The following ADD3 variants were observed in gnomAD, a reference collection of about 807,000 sequenced individuals.
ADD3 encodes the protein gamma-adducin.
ADD3 carries 25 observed loss-of-function variants against 80.2 expected under a neutral mutation model. The observed-to-expected ratio is 0.31, with a 90% CI of 0.23 to 0.44. ADD3 has a LOEUF of 0.44. Ranked by LOEUF, ADD3 falls within the 20% of genes least tolerant of loss-of-function variation. The pLI, the probability that ADD3 is intolerant of heterozygous loss-of-function variation, is 1.00. For missense variants in ADD3, 829 were observed against 847.5 expected, an observed-to-expected ratio of 0.98 and a Z score of 0.27; for synonymous variants, 284 against 289.6, an observed-to-expected ratio of 0.98 and a Z score of 0.20.
intron 1 of ADD3, among the ~76,000 whole-genome samples, chr10:110,053,991 A>G (rs957454930): frequency 6.6e-6 from 1 of 152,226 alleles, no homozygotes. Flanking sequence ...GTATGCCATA[A>G]TCATGCACAG....
At chr10:110,052,642 G>A (rs1857653782) in intron 1 of ADD3, among the ~76,000 whole-genome samples, 1 of 152,162 alleles carries the variant, frequency 6.6e-6, no homozygotes, top group Non-Finnish European at 1.5e-5. Context: ...AATGTTTAGG[G>A]TAAAACAGCT....
chr10:110,019,752 T>A (rs1346171364), intron 1 of ADD3, among the ~76,000 whole-genome samples: 1 of 152,228 alleles, frequency 6.6e-6, no homozygotes, highest in Non-Finnish European at 1.5e-5. Context: ...CTGAAGAAGC[T>A]GAATTCACCA....
chr10:110,105,716 G>A (rs961374035), intron 2 of ADD3, among the ~76,000 whole-genome samples: 1 of 152,166 alleles, frequency 6.6e-6, no homozygotes, highest in Non-Finnish European at 1.5e-5. Flanking sequence ...AGCTTATTTT[G>A]ATGCGAGGAG....
intron 1 of ADD3, among the ~76,000 whole-genome samples, chr10:110,062,200 TAAAAAAAAAAAAAA>T (rs57540485): frequency 0.02 from 710 of 35,224 alleles, 4 homozygotes; most frequent in African/African-American, 0.059. Flanking sequence ...CTGTCTCTAC[TAAAAAAAAAAAAAA>T]AAAAAAAAAA....
chr10:110,097,632 A>C (rs986803997), intron 1 of ADD3, among the ~76,000 whole-genome samples: 24 of 152,134 alleles, frequency 1.6e-4, no homozygotes, highest in African/African-American at 5.8e-4. Context: ...ATTCTATTTA[A>C]ATTTCACCAA....
At chr10:110,006,678 A>C (rs1199060040), upstream of ADD3, among the ~76,000 whole-genome samples, 6 of 152,170 alleles carry the variant, frequency 3.9e-5, no homozygotes, top group Non-Finnish European at 7.3e-5. Context: ...TTGTGTCAAG[A>C]CAAGATTCAT....
At chr10:110,027,730 G>C (rs1424733444) in intron 1 of ADD3, among the ~76,000 whole-genome samples, 1 of 152,104 alleles carries the variant, frequency 6.6e-6, no homozygotes. Flanking sequence ...CTAAAGTCTT[G>C]CCATTTCTTT....
chr10:110,015,534 C>T (rs1457731996), intron 1 of ADD3, among the ~76,000 whole-genome samples: 1 of 152,038 alleles, frequency 6.6e-6, no homozygotes, highest in African/African-American at 2.4e-5. Context: ...CACCACCATG[C>T]TCGGCTAATT....
Position 110,135,347 on chromosome 10 carries a change from T to A in ADD3, c.*1729T>A, listed in dbSNP as rs74154987. The A allele has an allele frequency of 2.0e-5, 3 of 152,650 alleles. No individual in the cohort carries two copies. The highest frequency in any genetic ancestry group is 1.9e-4 in the East Asian group (1 of 5,198). 9.5% of individuals were successfully genotyped at this position (152,650 alleles called of 1,614,324 possible). A position where few individuals can be genotyped will look rare whatever the true frequency, so the allele number is the denominator to read the frequency against. On this transcript the variant is annotated 3_prime_UTR_variant, in exon 15 of 15. Transcript: ENST00000356080. ...ATGCTTTTCCATAACTTTTTAAAAA[T>A]ATATATATCTAAATGAATGCAATGT...
chr10:110,081,480 G>T (rs142925308), intron 1 of ADD3, among the ~76,000 whole-genome samples: 1 of 152,238 alleles, frequency 6.6e-6, no homozygotes, highest in Non-Finnish European at 1.5e-5. Flanking sequence ...TGTGAAAATA[G>T]ATGAAAAGTA....
upstream of ADD3, among the ~76,000 whole-genome samples, chr10:110,003,302 G>GGGGTGTGTGTGT (rs140966434): frequency 0.02 from 2,999 of 147,010 alleles, 107 homozygotes; most frequent in African/African-American, 0.07. Flanking sequence ...GAACAGTAAG[G>GGGGTGTGTGTGT]GTGTGTGTGT....
chr10:110,035,064 G>A (rs1378466959), intron 1 of ADD3, among the ~76,000 whole-genome samples: 13 of 152,232 alleles, frequency 8.5e-5, no homozygotes, highest in African/African-American at 3.1e-4. Context: ...TGTTAGCTTT[G>A]GCTTACCATT....
intron 1 of ADD3, among the ~76,000 whole-genome samples, chr10:110,095,839 A>G (rs1848081948): frequency 6.6e-6 from 1 of 152,206 alleles, no homozygotes; most frequent in African/African-American, 2.4e-5. Flanking sequence ...TGATTGAGTG[A>G]AAAAAGCCAA....
chr10:110,103,055 G>A (rs1229160192), intron 2 of ADD3, among the ~76,000 whole-genome samples: 1 of 152,092 alleles, frequency 6.6e-6, no homozygotes, highest in Non-Finnish European at 1.5e-5. Context: ...AGAATTAAAA[G>A]TTGATATTTT....
At chr10:110,085,072 TC>T (rs1248604728) in intron 1 of ADD3, among the ~76,000 whole-genome samples, 6 of 151,980 alleles carry the variant, frequency 3.9e-5, no homozygotes, top group African/African-American at 1.5e-4. Context: ...TAATTTTAAT[TC>T]CCCCCCATTT....
chr10:110,125,258 A>C (rs1378663338), intron 10 of ADD3, among the ~76,000 whole-genome samples: 1 of 152,176 alleles, frequency 6.6e-6, no homozygotes, highest in Non-Finnish European at 1.5e-5. Flanking sequence ...AAGGATTATA[A>C]TATGGGGTAA....
intron 12 of ADD3, among the ~76,000 whole-genome samples, chr10:110,127,735 C>T (rs1176970308): frequency 6.6e-6 from 1 of 152,216 alleles, no homozygotes; most frequent in Admixed American, 6.5e-5. Flanking sequence ...TGGTTGCTCT[C>T]AGGCCAGCTG....
At chr10:110,097,449 G>A (rs1279361704) in intron 1 of ADD3, among the ~76,000 whole-genome samples, 3 of 152,060 alleles carry the variant, frequency 2.0e-5, no homozygotes, top group Non-Finnish European at 2.9e-5. Context: ...TGGATTTTTT[G>A]TGCTTTGTTT....
At chr10:110,126,708 G>A (rs1278132915) in intron 12 of ADD3, among the ~76,000 whole-genome samples, 2 of 152,084 alleles carry the variant, frequency 1.3e-5, no homozygotes, top group African/African-American at 2.4e-5. Flanking sequence ...TGTTTACTTT[G>A]GTGTTTCTGG....
Sources: allele counts gnomAD v4.1 joint callset (sites outside exome capture counted in the v4.1 genomes callset), GRCh38; gene constraint gnomAD v4.1.1; transcripts MANE v1.5; gene names NCBI Gene and HGNC (gene_info 2026-07-23, HGNC 2026-07-21).